Variants in APH1A observed in about 807,000 individuals in gnomAD.
APH1A encodes aph-1A gamma-secretase subunit, also known as gamma-secretase subunit APH-1A.
Under a neutral mutation model 30.3 loss-of-function variants are expected in APH1A, and 16 were observed. The ratio of observed to expected loss-of-function variants is 0.53; its 90% CI spans 0.36 to 0.80. The LOEUF (loss-of-function observed/expected upper bound fraction) is 0.80. Among genes scored for constraint, APH1A ranks in the 30% least tolerant of loss-of-function variants. The pLI, the probability that APH1A is intolerant of heterozygous loss-of-function variation, is 0.01. For synonymous variants in APH1A, 144 were observed against 140.1 expected, an observed-to-expected ratio of 1.03 and a Z score of -0.20; for missense variants, 245 against 337.8, an observed-to-expected ratio of 0.73 and a Z score of 2.15.
At chr1:150,267,841 T>A in intron 2 of APH1A, 52 bp from the exon 3 acceptor site, 1 of 1,612,310 alleles carries the variant, frequency 6.2e-7, no homozygotes, top group Non-Finnish European at 8.5e-7. Flanking sequence ...GATGCTCCTT[T>A]CCCTCTAATG....
At position 150,267,343 on chromosome 1, in the gene APH1A, AG is replaced by A. The variant is rs1238772235; in HGVS notation, c.481+12del. 1 of 1,614,014 alleles carries A rather than the reference AG, an allele frequency of 6.2e-7. No individual in the cohort carries two copies. The highest frequency in any genetic ancestry group is 2.2e-5 in the East Asian group (1 of 44,892). ...GGATGGGGGGTAAAGGCTAGATAGAAGGTGGATCTTACCTGAAGTCAGGAAG... is the reference window on the plus strand; with the variant it reads ...GGATGGGGGGTAAAGGCTAGATAGAAGTGGATCTTACCTGAAGTCAGGAAG... On this transcript the variant is annotated intron_variant, in intron 4 of 6. Transcript: ENST00000369109.
At chr1:150,266,835 A>C (rs1651766240) in intron 5 of APH1A, 179 bp from the exon 6 acceptor site, 5 of 1,026,632 alleles carry the variant, frequency 4.9e-6, no homozygotes, top group Non-Finnish European at 6.9e-6. Flanking sequence ...AGAAACTCAA[A>C]GGTTTCTGCC....
chr1:150,268,594 C>T (rs1445081622), intron 1 of APH1A, 104 bp downstream of exon 1: 1 of 1,183,558 alleles, frequency 8.4e-7, no homozygotes, highest in Non-Finnish European at 1.2e-6. Flanking sequence ...TCACCTCCGA[C>T]TTATCGTCCC....
chr1:150,266,129 C>A lies in APH1A; in HGVS notation c.*1G>T. On this transcript the variant is annotated 3_prime_UTR_variant, in exon 7 of 7. Coordinates refer to ENST00000369109, the MANE Select transcript of APH1A (RefSeq NM_001077628.3). ...GGCCCAGGGGTCCCCCCTAGGTTCC[C>A]TCAGTCCTCGGGTGGGATGCGCAGG... 1 of 1,594,492 alleles carries A rather than the reference C, an allele frequency of 6.3e-7. No individual in the cohort carries two copies. Among genetic ancestry groups the A allele is most frequent in the South Asian group, 1.1e-5 (1 of 87,798 alleles).
intron 5 of APH1A, 106 bp from the exon 6 acceptor site, chr1:150,266,762 C>T: frequency 7.4e-7 from 1 of 1,350,912 alleles, no homozygotes. Flanking sequence ...TCAAATTCTC[C>T]AGTCTTTCCC....
At chr1:150,268,182 C>T (rs895379864) in intron 1 of APH1A, 55 bp from the exon 2 acceptor site, 13 of 1,579,258 alleles carry the variant, frequency 8.2e-6, no homozygotes, top group Non-Finnish European at 1.1e-5. Context: ...CCAGAGAAAT[C>T]AAGGAGGGAA....
Position 150,266,650 on chromosome 1 carries a change from G to A in APH1A, c.616C>T (p.Leu206=). 1 of 1,613,902 alleles carries A rather than the reference G, an allele frequency of 6.2e-7. No individual in the cohort carries two copies. Among genetic ancestry groups the A allele is most frequent in the Non-Finnish European group, 8.5e-7 (1 of 1,179,894 alleles). ...SHLLTSGLTF[L]NPWYEASLLP... is the part of the protein sequence containing the mutation. Reference sequence around the variant, plus strand: ...AGGCTGGCCTCATACCAGGGGTTCAGGAATGTCTAGGAAGGAGGGTAAGAG... The same window carrying A: ...AGGCTGGCCTCATACCAGGGGTTCAAGAATGTCTAGGAAGGAGGGTAAGAG... The change falls in exon 6 of 7, where the codon CTG becomes TTG. Residue 206 remains leucine, a synonymous_variant. Coordinates refer to ENST00000369109, the MANE Select transcript of APH1A (RefSeq NM_001077628.3).
At position 150,268,035 on chromosome 1, in the gene APH1A, T is replaced by C; in HGVS notation, c.206A>G (p.Tyr69Cys). ...AGCAGCACCAAAAATCAGGAGGCCGTACTGGAGCCGGGCATCTGACCGGTC... is the reference window on the plus strand; with the variant it reads ...AGCAGCACCAAAAATCAGGAGGCCGCACTGGAGCCGGGCATCTGACCGGTC... Reference protein sequence around the residue: ...VTDRSDARLQYGLLIFGAAVS... With the variant: ...VTDRSDARLQCGLLIFGAAVS... Residue 69 changes from tyrosine (Y) to cysteine (C), a missense_variant, in exon 2 of 7, where the codon TAC becomes TGC. Transcript: ENST00000369109. The C allele has an allele frequency of 6.2e-7, 1 of 1,614,078 alleles. No individual in the cohort carries two copies. The highest frequency in any genetic ancestry group is 8.5e-7 in the Non-Finnish European group (1 of 1,180,004).
At chr1:150,266,467 C>A in intron 6 of APH1A, 66 bp downstream of exon 6, 1 of 1,604,522 alleles carries the variant, frequency 6.2e-7, no homozygotes, top group South Asian at 1.1e-5. Flanking sequence ...GGGCTGGGCT[C>A]AGTCATGGGC....
intron 3 of APH1A, 118 bp from the exon 4 acceptor site, chr1:150,267,596 T>C: frequency 6.3e-7 from 1 of 1,577,228 alleles, no homozygotes; most frequent in Non-Finnish European, 8.7e-7. Flanking sequence ...AGACCAACTT[T>C]CTTTGGAAGT....
intron 4 of APH1A, 60 bp downstream of exon 4, chr1:150,267,296 A>C: frequency 6.2e-7 from 1 of 1,613,094 alleles, no homozygotes; most frequent in Non-Finnish European, 8.5e-7. Context: ...GAAGGCCAAT[A>C]AATCAGATCA....
intron 6 of APH1A, 103 bp downstream of exon 6, chr1:150,266,430 G>T (rs1651718090): frequency 6.3e-7 from 1 of 1,575,922 alleles, no homozygotes; most frequent in South Asian, 1.2e-5. Flanking sequence ...GAAGGAGACA[G>T]AGAATGTGGG....
chr1:150,268,450 G>A (rs1015000400), intron 1 of APH1A: 28 of 588,888 alleles, frequency 4.8e-5, no homozygotes, highest in Middle Eastern at 4.6e-4. Flanking sequence ...GCCCCCTCAC[G>A]AGTCTCGGCC....
Position 150,266,082 on chromosome 1 carries a change from A to G in APH1A, c.*48T>C. On this transcript the variant is annotated 3_prime_UTR_variant, in exon 7 of 7. Coordinates refer to ENST00000369109, the MANE Select transcript of APH1A (RefSeq NM_001077628.3). ...ACTGGAGATGGAGAAATACAGGGCGAGGACATCAGGAGGGCACCCCAGGCC... is the reference window on the plus strand; with the variant it reads ...ACTGGAGATGGAGAAATACAGGGCGGGGACATCAGGAGGGCACCCCAGGCC... The G allele has an allele frequency of 6.4e-7, 1 of 1,553,996 alleles. No individual in the cohort carries two copies. The highest frequency in any genetic ancestry group is 8.7e-7 in the Non-Finnish European group (1 of 1,147,822).
At chr1:150,268,613 G>A (rs1651951255) in intron 1 of APH1A, 85 bp downstream of exon 1, 7 of 1,347,886 alleles carry the variant, frequency 5.2e-6, no homozygotes, top group Non-Finnish European at 7.2e-6. Context: ...CCCAATTCAG[G>A]CTCCCAGGCT....
Position 150,266,203 on chromosome 1 carries a change from G to A in APH1A, c.734-9C>T, listed in dbSNP as rs782497082. On this transcript the variant is annotated splice_polypyrimidine_tract_variant and intron_variant, in intron 6 of 6. Coordinates refer to ENST00000369109, the MANE Select transcript of APH1A (RefSeq NM_001077628.3). ...GTCCTCCTGCCGTCGGCCTGCAGAG[G>A]GGAAGGGAGGTGAGTCTTGGGCAGG... is the stretch of plus-strand genomic sequence containing the variant. 1.6e-5 allele frequency: 26 copies of A among 1,595,412 alleles called. No individual in the cohort carries two copies. The highest frequency in any genetic ancestry group is 2.0e-5 in the Non-Finnish European group (24 of 1,171,016).
rs376130182 is a variant in APH1A at position 150,266,139 on chromosome 1, G to A, written c.789C>T (p.Pro263=). The A allele has an allele frequency of 1.1e-5, 17 of 1,599,066 alleles. No individual in the cohort carries two copies. Among genetic ancestry groups the A allele is most frequent in the Non-Finnish European group, 1.4e-5 (16 of 1,172,908 alleles). ...VMVYSALRIP[P]ED ...TCCCCCCTAGGTTCCCTCAGTCCTC[G>A]GGTGGGATGCGCAGGGCAGAATACA... The change falls in exon 7 of 7, where the codon CCC becomes CCT. Residue 263 remains proline, a synonymous_variant. Coordinates refer to ENST00000369109, the MANE Select transcript of APH1A (RefSeq NM_001077628.3).
chr1:150,266,735 A>G, intron 5 of APH1A, 79 bp from the exon 6 acceptor site: 1 of 1,480,592 alleles, frequency 6.8e-7, no homozygotes, highest in East Asian at 2.3e-5. Flanking sequence ...TACCTTTCTG[A>G]CTCCCAGATA....
rs868967358 is a variant in APH1A at position 150,267,004 on chromosome 1, A to T, written c.609+71T>A. On this transcript the variant is annotated intron_variant, in intron 5 of 6. Transcript: ENST00000369109. ...GTTAAAAATGTTAAGAAGTGAGGAT[A>T]CCCTTTCCCCCACATCCCACTCACC... 33 of 1,593,562 alleles carry T rather than the reference A, an allele frequency of 2.1e-5. 2 individuals are homozygous for T. In the Middle Eastern group the frequency reaches 4.9e-3, roughly 236 times the overall value.
Sources: allele counts gnomAD v4.1 joint callset, GRCh38; gene constraint gnomAD v4.1.1; transcripts MANE v1.5; gene names NCBI Gene and HGNC (gene_info 2026-07-23, HGNC 2026-07-21).